CDKAL1: variants seen among roughly 807,000 people sequenced by gnomAD.
The protein encoded by CDKAL1 is threonylcarbamoyladenosine tRNA methylthiotransferase.
Under a neutral mutation model 68.2 loss-of-function variants are expected in CDKAL1, and 32 were observed. The ratio of observed to expected loss-of-function variants is 0.47; its 90% CI spans 0.35 to 0.63. The LOEUF (loss-of-function observed/expected upper bound fraction) is 0.63, where lower values mean the gene tolerates loss of function less well. Ranked by LOEUF, CDKAL1 falls within the 30% of genes least tolerant of loss-of-function variation. The pLI is 0.00. For synonymous variants in CDKAL1, 234 were observed against 244.3 expected, an observed-to-expected ratio of 0.96 and a Z score of 0.39; for missense variants, 606 against 696.7, an observed-to-expected ratio of 0.87 and a Z score of 1.47.
rs145894251 is a variant in CDKAL1, at chr6:21,191,992, C to CTTTTTTTTTT, written c.1300-5998_1300-5989dup. Among the ~76,000 whole-genome samples, 94 of 34,534 alleles carry CTTTTTTTTTT rather than the reference C, an allele frequency of 2.7e-3. 33 individuals carry two copies. The highest frequency in any genetic ancestry group is 3.6e-3 in the Non-Finnish European group (65 of 18,290). The allele number at this position is 34,534 out of a possible 152,430, so 22.7% of individuals were successfully genotyped here. A position where few individuals can be genotyped will look rare whatever the true frequency, so the allele number is the denominator to read the frequency against. ...AGGAATATTTTTATAATTCATTTTT[C>CTTTTTTTTTT]TTTTTTTTTTTTTTTTTTTTTTTTT... is the stretch of plus-strand genomic sequence containing the variant. On this transcript the variant is annotated intron_variant, in intron 13 of 15. Coordinates refer to ENST00000274695, the MANE Select transcript of CDKAL1 (RefSeq NM_017774.3).
At chr6:20,968,171 T>A (rs1382768518) in intron 10 of CDKAL1, among the ~76,000 whole-genome samples, 1 of 151,430 alleles carries the variant, frequency 6.6e-6, no homozygotes, top group African/African-American at 2.4e-5. Flanking sequence ...TTTTTGTTTT[T>A]TTTTTGGACC....
At chr6:20,830,788 A>G (rs1777685061) in intron 8 of CDKAL1, among the ~76,000 whole-genome samples, 1 of 152,174 alleles carries the variant, frequency 6.6e-6, no homozygotes, top group Non-Finnish European at 1.5e-5. Context: ...GTTGAGAACT[A>G]TTGGTGTGGA....
intron 4 of CDKAL1, among the ~76,000 whole-genome samples, chr6:20,623,565 G>C (rs1209084603): frequency 6.6e-6 from 1 of 151,994 alleles, no homozygotes; most frequent in East Asian, 1.9e-4. Context: ...TTACAGAAGA[G>C]GTATAGTGAT....
intron 12 of CDKAL1, among the ~76,000 whole-genome samples, chr6:21,078,617 C>T (rs1772206266): frequency 6.6e-6 from 1 of 152,200 alleles, no homozygotes; most frequent in Non-Finnish European, 1.5e-5. Context: ...TTCCAACTCA[C>T]TCTTTGCTCC....
chr6:20,597,617 G>T (rs1194779113), intron 4 of CDKAL1, among the ~76,000 whole-genome samples: 2 of 151,968 alleles, frequency 1.3e-5, no homozygotes, highest in African/African-American at 4.8e-5. Flanking sequence ...GTTTCACTAT[G>T]TTGGCCAGGC....
chr6:20,869,108 C>T (rs1180938625), intron 9 of CDKAL1, among the ~76,000 whole-genome samples: 1 of 152,172 alleles, frequency 6.6e-6, no homozygotes, highest in Non-Finnish European at 1.5e-5. Flanking sequence ...AACAGCACTT[C>T]ATCTGTTCAG....
intron 13 of CDKAL1, among the ~76,000 whole-genome samples, chr6:21,193,802 A>G (rs1201936372): frequency 3.9e-5 from 6 of 152,128 alleles, no homozygotes; most frequent in Non-Finnish European, 8.8e-5. Flanking sequence ...CACCCACCAG[A>G]CCATTCTTTG....
intron 9 of CDKAL1, among the ~76,000 whole-genome samples, chr6:20,939,474 A>G (rs1209171749): frequency 1.3e-5 from 2 of 152,212 alleles, no homozygotes; most frequent in Non-Finnish European, 2.9e-5. Context: ...CAAGTTTGAA[A>G]TATCAAAATG....
intron 9 of CDKAL1, among the ~76,000 whole-genome samples, chr6:20,915,002 C>T (rs1017196575): frequency 6.6e-6 from 1 of 151,998 alleles, no homozygotes; most frequent in South Asian, 2.1e-4. Context: ...AATTTACTTT[C>T]TGAAATACTA....
At chr6:21,207,406 G>T (rs1778982018) in intron 15 of CDKAL1, among the ~76,000 whole-genome samples, 1 of 152,014 alleles carries the variant, frequency 6.6e-6, no homozygotes, top group African/African-American at 2.4e-5. Context: ...TATACCTGTA[G>T]TCTCAGCTAC....
chr6:20,539,626 C>T lies in CDKAL1; in HGVS notation c.-6+4232C>T, dbSNP rs146862502. 1.4e-4 allele frequency among the ~76,000 whole-genome samples: 21 copies of T among 152,158 alleles called. 1 individual carries two copies. The East Asian group carries it at 2.1e-3, about 15-fold the overall frequency. ...CAAGAATAAGACTGTGAAATGAATGCATATCTAGTGGGTACGAAATAACAA... is the reference window on the plus strand; with the variant it reads ...CAAGAATAAGACTGTGAAATGAATGTATATCTAGTGGGTACGAAATAACAA... On this transcript the variant is annotated intron_variant, in intron 2 of 15. Coordinates refer to ENST00000274695, the MANE Select transcript of CDKAL1 (RefSeq NM_017774.3). The surrounding 1 kb of genome is among the most constrained non-coding windows in gnomAD (Gnocchi z 4.3).
chr6:21,148,230 G>A (rs781421806), intron 13 of CDKAL1, among the ~76,000 whole-genome samples: 5 of 152,216 alleles, frequency 3.3e-5, no homozygotes, highest in Non-Finnish European at 7.3e-5. Context: ...GAAGGTGGGA[G>A]TGTTTATGAA....
intron 11 of CDKAL1, among the ~76,000 whole-genome samples, chr6:21,030,049 A>G (rs1228361793): frequency 6.6e-6 from 1 of 152,208 alleles, no homozygotes; most frequent in Non-Finnish European, 1.5e-5. Context: ...AGCACTATTT[A>G]CAATAGCAAA....
chr6:21,160,356 G>A (rs1035705851), intron 13 of CDKAL1, among the ~76,000 whole-genome samples: 2 of 151,480 alleles, frequency 1.3e-5, no homozygotes, highest in Non-Finnish European at 2.9e-5. Context: ...GGAGTACAGT[G>A]GCGCAATCTC....
At position 21,160,455 on chromosome 6, in the gene CDKAL1, G is replaced by A. The variant is rs565305309; in HGVS notation, c.1300-37566G>A. 2.1e-3 allele frequency among the ~76,000 whole-genome samples: 319 copies of A among 150,918 alleles called. 1 individual carries two copies. The highest frequency in any genetic ancestry group is 3.7e-3 in the Non-Finnish European group (247 of 67,638). On this transcript the variant is annotated intron_variant, in intron 13 of 15. Coordinates refer to ENST00000274695, the MANE Select transcript of CDKAL1 (RefSeq NM_017774.3). ...TGGGATTACAGGCGCCCACCACCAT[G>A]CCCAGCTAATTTTTGCATTTTTAGT...
At chr6:21,046,634 G>T (rs1378095549) in intron 11 of CDKAL1, among the ~76,000 whole-genome samples, 1 of 152,250 alleles carries the variant, frequency 6.6e-6, no homozygotes, top group Non-Finnish European at 1.5e-5. Context: ...TTGGCCAAAT[G>T]TGTATCCAAG....
chr6:20,808,320 A>G (rs1412979417), intron 8 of CDKAL1, among the ~76,000 whole-genome samples: 1 of 152,184 alleles, frequency 6.6e-6, no homozygotes, highest in Non-Finnish European at 1.5e-5. Context: ...TGAAAAGCTT[A>G]TGGTAATTGT....
At chr6:20,807,067 C>T (rs1448252163) in intron 8 of CDKAL1, among the ~76,000 whole-genome samples, 2 of 152,140 alleles carry the variant, frequency 1.3e-5, no homozygotes, top group African/African-American at 2.4e-5. Flanking sequence ...ATTTCATTTA[C>T]TCATGAAGAC....
intron 9 of CDKAL1, among the ~76,000 whole-genome samples, chr6:20,875,081 T>G (rs372486649): frequency 6.6e-6 from 1 of 151,008 alleles, no homozygotes; most frequent in Non-Finnish European, 1.5e-5. Context: ...GGGTGGATCA[T>G]GAGGTCAGGA....
Sources: gnomAD v4.1 joint callset for allele counts (sites outside exome capture counted in the v4.1 genomes callset) on GRCh38, gnomAD v4.1.1 for gene constraint, Gnocchi (gnomAD v3.1) non-coding constraint, MANE v1.5 for transcripts, NCBI Gene and HGNC (gene_info 2026-07-23, HGNC 2026-07-21) for gene names.